Variants in NCK1 observed in about 807,000 individuals in gnomAD.
NCK1 encodes SH2/SH3 adapter protein NCK1.
NCK1 carries 19 observed loss-of-function variants against 36.6 expected under a neutral mutation model. That is an observed-to-expected ratio of 0.52 (90% CI 0.36 to 0.76). NCK1 has a LOEUF of 0.76. Among genes scored for constraint, NCK1 ranks in the 30% least tolerant of loss-of-function variants. The pLI, the probability that NCK1 is intolerant of heterozygous loss-of-function variation, is 0.00. For synonymous variants in NCK1, 165 were observed against 156.0 expected, an observed-to-expected ratio of 1.06 and a Z score of -0.43; for missense variants, 358 against 445.6, an observed-to-expected ratio of 0.80 and a Z score of 1.77.
chr3:136,920,271 G>T (rs1183970298), intron 1 of NCK1, among the ~76,000 whole-genome samples: 1 of 151,514 alleles, frequency 6.6e-6, no homozygotes, highest in Non-Finnish European at 1.5e-5. Context: ...AATAGTGTAG[G>T]TCAAATAAAA....
At chr3:136,927,389 T>C (rs1015481151) in intron 1 of NCK1, among the ~76,000 whole-genome samples, 10 of 152,266 alleles carry the variant, frequency 6.6e-5, no homozygotes, top group Admixed American at 6.5e-4. Flanking sequence ...ATCTTGTTAC[T>C]AGGTACATAG....
intron 1 of NCK1, among the ~76,000 whole-genome samples, chr3:136,925,356 A>G (rs1367222420): frequency 1.3e-5 from 2 of 152,130 alleles, no homozygotes; most frequent in Admixed American, 6.5e-5. Context: ...TTTTGAGATC[A>G]TTATAGATCC....
At chr3:136,900,598 C>G (rs1054360307) in intron 1 of NCK1, among the ~76,000 whole-genome samples, 7 of 151,878 alleles carry the variant, frequency 4.6e-5, no homozygotes, top group Non-Finnish European at 1.0e-4. Flanking sequence ...TTTATTTTAT[C>G]TAGTGTTTTG....
intron 1 of NCK1, among the ~76,000 whole-genome samples, chr3:136,914,037 A>G (rs1179715934): frequency 6.6e-6 from 1 of 152,220 alleles, no homozygotes; most frequent in East Asian, 1.9e-4. Flanking sequence ...GCTTCCAAAA[A>G]GGGAGAAAGA....
chr3:136,936,617 A>G (rs1026774269), intron 2 of NCK1, among the ~76,000 whole-genome samples: 59 of 152,206 alleles, frequency 3.9e-4, no homozygotes, highest in Non-Finnish European at 7.3e-4. Flanking sequence ...GGGGGATTCC[A>G]GTTTCTCCAT....
At chr3:136,918,555 A>G (rs1576976959) in intron 1 of NCK1, among the ~76,000 whole-genome samples, 1 of 152,192 alleles carries the variant, frequency 6.6e-6, no homozygotes, top group East Asian at 1.9e-4. Flanking sequence ...GGAAACTGGC[A>G]CTGATTTCCC....
intron 1 of NCK1, among the ~76,000 whole-genome samples, chr3:136,898,589 C>T (rs572034541): frequency 1.3e-5 from 2 of 152,214 alleles, no homozygotes; most frequent in South Asian, 4.1e-4. Context: ...TGAACTCTTA[C>T]TATGAAAAAA....
At chr3:136,903,010 G>C (rs1939584253) in intron 1 of NCK1, among the ~76,000 whole-genome samples, 1 of 148,962 alleles carries the variant, frequency 6.7e-6, no homozygotes, top group African/African-American at 2.5e-5. Context: ...CTTAATTTTT[G>C]TATCTACATG....
chr3:136,935,414 T>C lies in NCK1; in HGVS notation c.226+7187T>C, dbSNP rs920769541. Among the ~76,000 whole-genome samples, 4 of 152,326 alleles carry C rather than the reference T, an allele frequency of 2.6e-5. No homozygotes were observed. In the South Asian group the frequency reaches 6.2e-4, roughly 24 times the overall value. ...GTATGTGCCTCATATCATTATTCAC[T>C]TTTACTCAATTTGACATTTATTGAG... On this transcript the variant is annotated intron_variant, in intron 2 of 3. Transcript: ENST00000481752.
chr3:136,892,261 A>C (rs952518718), intron 1 of NCK1, among the ~76,000 whole-genome samples: 1 of 152,148 alleles, frequency 6.6e-6, no homozygotes, highest in African/African-American at 2.4e-5. Context: ...TCAGTGTCCT[A>C]TCAGATGTGA....
At chr3:136,944,640 A>G (rs888263320) in intron 2 of NCK1, among the ~76,000 whole-genome samples, 2 of 152,206 alleles carry the variant, frequency 1.3e-5, no homozygotes, top group African/African-American at 4.8e-5. Flanking sequence ...GAGAGTCAGG[A>G]AAGATAGTAT....
At chr3:136,912,991 C>T (rs1939867577) in intron 1 of NCK1, among the ~76,000 whole-genome samples, 1 of 152,060 alleles carries the variant, frequency 6.6e-6, no homozygotes, top group South Asian at 2.1e-4. Context: ...TACTCATTTT[C>T]CTACTTTCTT....
At chr3:136,870,561 A>T (rs1398166167) in intron 1 of NCK1, among the ~76,000 whole-genome samples, 1 of 151,346 alleles carries the variant, frequency 6.6e-6, no homozygotes, top group African/African-American at 2.4e-5. Context: ...CATGCTCTTG[A>T]ATAATATATT....
rs113401275 is a variant in NCK1, at chr3:136,878,709, AT to A, written c.-19+16365del. Among the ~76,000 whole-genome samples, 39 of 16,256 alleles carry A rather than the reference AT, an allele frequency of 2.4e-3. 1 individual carries two copies. Among genetic ancestry groups the A allele is most frequent in the African/African-American group, 5.2e-3 (33 of 6,308 alleles). 10.7% of individuals were successfully genotyped at this position (16,256 alleles called of 152,430 possible). On this transcript the variant is annotated intron_variant, in intron 1 of 3. Transcript: ENST00000481752. The stretch of plus-strand genomic sequence containing the variant: ...ATCTGAGTTGTATCTCAATAAAGCT[AT>A]TTTTTTTTAAGAAAGGTTGAGTCTA...
Position 136,867,109 on chromosome 3 carries a change from TTTCTTTCTTTGTTTC to T in NCK1, c.-19+4759_-19+4773del, listed in dbSNP as rs1314757837. ...CTTTCTTTCTTTCTTTCTTTCTTTC[TTTCTTTCTTTGTTTC>T]TTTCTTTCCTTCCTTCCTTCCTTCC... On this transcript the variant is annotated intron_variant, in intron 1 of 3. Transcript: ENST00000481752. Among the ~76,000 whole-genome samples, 34 of 33,284 alleles carry T rather than the reference TTTCTTTCTTTGTTTC, an allele frequency of 1.0e-3. 3 individuals carry two copies. Among genetic ancestry groups the T allele is most frequent in the African/African-American group, 3.8e-3 (34 of 9,032 alleles). The allele number at this position is 33,284 out of a possible 152,430, so 21.8% of individuals were successfully genotyped here.
chr3:136,870,274 A>G (rs557363772), intron 1 of NCK1, among the ~76,000 whole-genome samples: 8 of 151,694 alleles, frequency 5.3e-5, no homozygotes, highest in Non-Finnish European at 1.2e-4. Flanking sequence ...CCCAGGAGCC[A>G]GAGGTTGCAG....
intron 1 of NCK1, among the ~76,000 whole-genome samples, chr3:136,877,894 A>G (rs999066437): frequency 2.0e-5 from 3 of 152,178 alleles, no homozygotes; most frequent in African/African-American, 7.2e-5. Context: ...CTCAGTCATA[A>G]TAGCCCCAAA....
intron 2 of NCK1, among the ~76,000 whole-genome samples, chr3:136,933,737 C>T (rs1196272779): frequency 6.6e-6 from 1 of 151,548 alleles, no homozygotes; most frequent in East Asian, 1.9e-4. Context: ...GACAGTCTTG[C>T]TCTGCCACCC....
intron 1 of NCK1, among the ~76,000 whole-genome samples, chr3:136,895,691 G>A (rs1939375202): frequency 6.6e-6 from 1 of 151,740 alleles, no homozygotes; most frequent in African/African-American, 2.4e-5. Context: ...CAGCCTCCCG[G>A]GTAGCTGGGA....
Sources: gnomAD v4.1 joint callset for allele counts (sites outside exome capture counted in the v4.1 genomes callset) on GRCh38, gnomAD v4.1.1 for gene constraint, MANE v1.5 for transcripts, NCBI Gene and HGNC (gene_info 2026-07-23, HGNC 2026-07-21) for gene names.